Variants in TASP1 observed in about 807,000 individuals in gnomAD.
The protein encoded by TASP1 is threonine aspartase 1.
TASP1 carries 16 observed loss-of-function variants against 56.6 expected under a neutral mutation model. The ratio of observed to expected loss-of-function variants is 0.28; its 90% confidence interval spans 0.19 to 0.43. TASP1 has a LOEUF of 0.43. Among genes scored for constraint, TASP1 ranks in the 20% least tolerant of loss-of-function variants. TASP1 has a pLI of 1.00. For synonymous variants in TASP1, 179 were observed against 184.2 expected (o/e 0.97, Z 0.23); for missense variants, 393 against 511.6 (o/e 0.77, Z 2.24).
the TASP1 span, among the ~76,000 whole-genome samples, chr20:13,206,015 G>A: frequency 6.6e-6 from 1 of 152,216 alleles, no homozygotes. Context: ...GTCAGACAGA[G>A]ACGCACTCCT....
rs2046925898 is a variant in TASP1, at chr20:13,576,381, GAAAGAA to G, written c.488+4510_488+4515del. ...AGAAAGAAAGAAAGAAAGAAAGAAA[GAAAGAA>G]AGAAAGAAAGTCAGTCTTATGGAAT... is the stretch of plus-strand genomic sequence containing the variant. On this transcript the variant is annotated intron_variant, in intron 6 of 13. Transcript: ENST00000337743. Among the ~76,000 whole-genome samples the G allele has an allele frequency of 2.7e-5, 4 of 149,504 alleles. No individual in the cohort carries two copies. The South Asian group carries it at 8.5e-4, about 32-fold the overall frequency.
chr20:13,255,821 G>T, the TASP1 span, among the ~76,000 whole-genome samples: 199 of 152,212 alleles, frequency 1.3e-3, no homozygotes, highest in Middle Eastern at 0.024. Context: ...AACTACAAGG[G>T]GTCCGCTGTG....
intron 4 of TASP1, among the ~76,000 whole-genome samples, chr20:13,590,672 C>T (rs532458425): frequency 5.5e-4 from 83 of 151,978 alleles, no homozygotes; most frequent in East Asian, 2.3e-3. Flanking sequence ...TCGAGACCAG[C>T]CTGGCCAACA....
At chr20:13,621,570 T>C (rs2048719536) in intron 4 of TASP1, among the ~76,000 whole-genome samples, 1 of 152,292 alleles carries the variant, frequency 6.6e-6, no homozygotes, top group Admixed American at 6.5e-5. Flanking sequence ...ATTTTTTTCC[T>C]TTAAATTCAT....
At chr20:13,350,200 G>C in the TASP1 span, among the ~76,000 whole-genome samples, 2 of 145,430 alleles carry the variant, frequency 1.4e-5, no homozygotes, top group East Asian at 2.0e-4. Context: ...TGCAGAATCT[G>C]TATAATAAAA....
the TASP1 span, among the ~76,000 whole-genome samples, chr20:13,115,690 G>T: frequency 1.6e-4 from 24 of 152,010 alleles, no homozygotes; most frequent in African/African-American, 5.8e-4. Flanking sequence ...ATTGTCAAGG[G>T]CTCCCACTTT....
At chr20:13,480,953 A>T (rs1327494543) in intron 11 of TASP1, among the ~76,000 whole-genome samples, 1 of 143,244 alleles carries the variant, frequency 7.0e-6, no homozygotes, top group African/African-American at 2.5e-5. Context: ...TGTGTTTCAG[A>T]TGATCCAATT....
At chr20:13,249,121 A>G in the TASP1 span, among the ~76,000 whole-genome samples, 19 of 152,170 alleles carry the variant, frequency 1.2e-4, no homozygotes, top group Non-Finnish European at 2.9e-5. Flanking sequence ...ATTTTTTAGG[A>G]TGATTTTTGA....
At chr20:13,112,373 T>C in the TASP1 span, among the ~76,000 whole-genome samples, 1 of 152,204 alleles carries the variant, frequency 6.6e-6, no homozygotes, top group Non-Finnish European at 1.5e-5. Context: ...AGAACTCCCT[T>C]ACAACGTGGT....
At chr20:13,294,056 C>A in the TASP1 span, among the ~76,000 whole-genome samples, 1 of 152,002 alleles carries the variant, frequency 6.6e-6, no homozygotes, top group Non-Finnish European at 1.5e-5. Flanking sequence ...GGGTCTGTGA[C>A]AAAATGAAAA....
At chr20:13,521,747 G>A (rs1272258207) in intron 10 of TASP1, among the ~76,000 whole-genome samples, 3 of 151,778 alleles carry the variant, frequency 2.0e-5, no homozygotes, top group South Asian at 2.1e-4. Flanking sequence ...TAATCTGCAC[G>A]TTGTGCACAT....
chr20:13,590,932 G>C (rs1486403574), intron 4 of TASP1, among the ~76,000 whole-genome samples: 1 of 151,708 alleles, frequency 6.6e-6, no homozygotes, highest in Non-Finnish European at 1.5e-5. Flanking sequence ...TAAGGTAAAG[G>C]CACTTTGAAA....
the TASP1 span, among the ~76,000 whole-genome samples, chr20:13,359,150 C>G: frequency 1.4e-5 from 2 of 139,556 alleles, no homozygotes; most frequent in African/African-American, 3.0e-5. Context: ...GCGCCCCAGC[C>G]ACATCTCCGG....
chr20:13,312,035 T>C, the TASP1 span, among the ~76,000 whole-genome samples: 3 of 151,714 alleles, frequency 2.0e-5, no homozygotes, highest in East Asian at 3.9e-4. Flanking sequence ...ACCATAAATA[T>C]AGACAATTAA....
chr20:13,380,138 G>A, the TASP1 span, among the ~76,000 whole-genome samples: 3 of 152,098 alleles, frequency 2.0e-5, no homozygotes, highest in Admixed American at 2.0e-4. Context: ...GTGATCCTTG[G>A]GAGGAGAAGA....
the TASP1 span, among the ~76,000 whole-genome samples, chr20:13,377,985 T>A: frequency 3.3e-5 from 5 of 152,206 alleles, no homozygotes; most frequent in Admixed American, 2.0e-4. Context: ...TTATTCTGGC[T>A]AGCAGTCTAT....
chr20:13,484,948 G>A (rs958138330), intron 10 of TASP1, among the ~76,000 whole-genome samples: 2 of 151,986 alleles, frequency 1.3e-5, no homozygotes, highest in African/African-American at 4.8e-5. Flanking sequence ...CATGGACACA[G>A]GGAGGGGAAC....
chr20:13,614,699 A>AATTTTTTAATTG (rs1440133484), intron 4 of TASP1: 1 of 393,840 alleles, frequency 2.5e-6, no homozygotes, highest in Non-Finnish European at 5.2e-6. Context: ...TGAAAGCCAC[A>AATTTTTTAATTG]TAATTACAGT....
chr20:13,476,575 C>T (rs1390868657), intron 11 of TASP1, among the ~76,000 whole-genome samples: 3 of 151,800 alleles, frequency 2.0e-5, no homozygotes, highest in South Asian at 2.1e-4. Context: ...TTTTCTTTTC[C>T]GCTGGAATGC....
Sources: allele counts gnomAD v4.1 joint callset (sites outside exome capture counted in the v4.1 genomes callset), GRCh38; gene constraint gnomAD v4.1.1; transcripts MANE v1.5; gene names NCBI Gene and HGNC (gene_info 2026-07-23, HGNC 2026-07-21).